ARHGAP17: variants seen among roughly 807,000 people sequenced by gnomAD.
ARHGAP17 encodes Rho GTPase activating protein 17.
A neutral mutation model predicts 99.5 loss-of-function variants in ARHGAP17; 57 were observed. The ratio of observed to expected loss-of-function variants is 0.57; its 90% CI spans 0.46 to 0.71. The LOEUF is 0.71. Among genes scored for constraint, ARHGAP17 ranks in the 30% least tolerant of loss-of-function variants. The probability of loss-of-function intolerance (pLI) is 0.00; values close to 1 mark genes in which losing one functional copy is unlikely to be tolerated. For missense variants in ARHGAP17, 1,000 were observed against 1,122.4 expected (o/e 0.89, Z 1.56); for synonymous variants, 417 against 429.6 (o/e 0.97, Z 0.36).
chr16:24,986,604 C>T (rs1299235218), intron 1 of ARHGAP17, among the ~76,000 whole-genome samples: 1 of 152,220 alleles, frequency 6.6e-6, no homozygotes, highest in African/African-American at 2.4e-5. Context: ...TCTATGGCTG[C>T]TTTTGAGCTT....
intron 14 of ARHGAP17, among the ~76,000 whole-genome samples, chr16:24,945,343 AAAG>A (rs199638888): frequency 0.015 from 2,310 of 151,058 alleles, 48 homozygotes; most frequent in African/African-American, 0.051. Context: ...AGAAAGGAAG[AAAG>A]AAGAAGAAGA....
intron 18 of ARHGAP17, 50 bp downstream of exon 18, chr16:24,935,417 TAAG>T: frequency 2.6e-6 from 4 of 1,528,724 alleles, no homozygotes; most frequent in Non-Finnish European, 3.5e-6. Context: ...TGCACTAACT[TAAG>T]GAGGTCTGCA....
In ARHGAP17 at chr16:24,935,457, G is replaced by T. The variant is rs182899466; in HGVS notation, c.1894+13C>A. On this transcript the variant is annotated intron_variant, in intron 18 of 19. Transcript: ENST00000289968. The stretch of plus-strand genomic sequence containing the variant: ...AGGCTTCCCTGAGGGCAAGGAGGAC[G>T]GTGGCTGCTTACCTCGGCGCAGTGT... 2.5e-6 allele frequency: 4 copies of T among 1,574,850 alleles called. No homozygotes were observed. Among genetic ancestry groups the T allele is most frequent in the Non-Finnish European group, 3.4e-6 (4 of 1,159,492 alleles).
chr16:24,981,511 A>G (rs1393299204), intron 1 of ARHGAP17, among the ~76,000 whole-genome samples: 1 of 152,222 alleles, frequency 6.6e-6, no homozygotes, highest in Non-Finnish European at 1.5e-5. Context: ...GTCAACAGAC[A>G]GTAACTAATT....
Position 24,954,675 on chromosome 16 carries a change from C to T in ARHGAP17, c.780G>A (p.Arg260=). 6.2e-7 allele frequency: 1 copy of T among 1,614,080 alleles called. No homozygotes were observed. The highest frequency in any genetic ancestry group is 8.5e-7 in the Non-Finnish European group (1 of 1,179,972). The change falls in exon 10 of 20, where the codon AGG becomes AGA. Residue 260 remains arginine, a synonymous_variant. Coordinates refer to ENST00000289968, the MANE Select transcript of ARHGAP17 (RefSeq NM_001006634.3). ...TGGGCAGCGCAATCTCGCGCCCGCT[C>T]CTCTTCAGGTGTTCTTCTAGGGGAG... The part of the protein sequence containing the change: ...FGTPLEEHLK[R]SGREIALPIE...
At chr16:24,996,036 C>T (rs2053183077) in intron 1 of ARHGAP17, among the ~76,000 whole-genome samples, 1 of 152,014 alleles carries the variant, frequency 6.6e-6, no homozygotes, top group African/African-American at 2.4e-5. Context: ...CATAAGTACA[C>T]CAGGGATTTC....
rs115771433 is a variant in ARHGAP17 at position 25,002,741 on chromosome 16, G to A, written c.53+12468C>T. On this transcript the variant is annotated intron_variant, in intron 1 of 19. Coordinates refer to ENST00000289968, the MANE Select transcript of ARHGAP17 (RefSeq NM_001006634.3). ...GTACAAAAATGCAAAAGCAATGGGA[G>A]TATTAAACTGGTTCTGGCTGGGCGC... 7.2e-3 allele frequency among the ~76,000 whole-genome samples: 1,089 copies of A among 152,196 alleles called. 16 individuals carry two copies. The highest frequency in any genetic ancestry group is 0.025 in the African/African-American group (1,019 of 41,524).
intron 19 of ARHGAP17, chr16:24,920,574 C>A (rs1191745930): frequency 1.1e-5 from 3 of 278,320 alleles, no homozygotes; most frequent in African/African-American, 6.6e-5. Flanking sequence ...CTTCCCAAGA[C>A]CTCTAATGCA....
chr16:24,989,529 T>C (rs963344028), intron 1 of ARHGAP17, among the ~76,000 whole-genome samples: 3 of 151,558 alleles, frequency 2.0e-5, no homozygotes, highest in Admixed American at 6.6e-5. Flanking sequence ...ATGCCACTTA[T>C]ATGAAATGGC....
chr16:24,959,580 ACG>A (rs1243465397), intron 9 of ARHGAP17, 89 bp downstream of exon 9: 80 of 1,206,240 alleles, frequency 6.6e-5, no homozygotes, highest in Non-Finnish European at 9.4e-5. Flanking sequence ...TATCCCAAGG[ACG>A]TGCATGCAGA....
At chr16:24,951,138 T>C (rs540569688) in intron 12 of ARHGAP17, among the ~76,000 whole-genome samples, 1 of 152,118 alleles carries the variant, frequency 6.6e-6, no homozygotes, top group Non-Finnish European at 1.5e-5. Flanking sequence ...CCTCTAGGCT[T>C]TTTAAACAAA....
Position 24,955,549 on chromosome 16 carries a change from T to G in ARHGAP17, c.725-819A>C, listed in dbSNP as rs1196551586. ...CCTGCCTGTGCAAGCTGCAGAGATC[T>G]AGTGCTATCTGAGCAGCTCGCAGAA... On this transcript the variant is annotated intron_variant, in intron 9 of 19. Transcript: ENST00000289968. This position sits in a 1 kb window ranked among gnomAD's most constrained non-coding sequence, Gnocchi z 4.0. 1.3e-5 allele frequency: 2 copies of G among 152,268 alleles called. No homozygotes were observed. Among genetic ancestry groups the G allele is most frequent in the African/African-American group, 4.8e-5 (2 of 41,470 alleles). The allele number at this position is 152,268 out of a possible 1,614,324, so 9.4% of individuals were successfully genotyped here.
intron 18 of ARHGAP17, among the ~76,000 whole-genome samples, chr16:24,933,583 A>T (rs2051053470): frequency 6.6e-6 from 1 of 152,186 alleles, no homozygotes; most frequent in African/African-American, 2.4e-5. Flanking sequence ...ACCACCAACC[A>T]GCTTACATTA....
Position 24,919,926 on chromosome 16 carries a change from T to A in ARHGAP17, c.*204A>T, listed in dbSNP as rs1302191519. 2 of 616,826 alleles carry A rather than the reference T, an allele frequency of 3.2e-6. No individual in the cohort carries two copies. Among genetic ancestry groups the A allele is most frequent in the Admixed American group, 7.2e-5 (2 of 27,620 alleles). The allele number at this position is 616,826 out of a possible 1,614,324, so 38.2% of individuals were successfully genotyped here. On this transcript the variant is annotated 3_prime_UTR_variant, in exon 20 of 20. Transcript: ENST00000289968. Reference sequence around the variant, plus strand: ...TCCTTCCCATGTAAAGAAAGCCAACTTCTTCAAGACACAGGTCATTCAGCT... The same window carrying A: ...TCCTTCCCATGTAAAGAAAGCCAACATCTTCAAGACACAGGTCATTCAGCT...
Position 24,931,162 on chromosome 16 carries a change from G to A in ARHGAP17, c.2137C>T (p.His713Tyr). ...SSLSPIQAPN[H>Y]PPPQPPTQAT... ...TGCGTAGGGGGCTGCGGCGGTGGGT[G>A]ATTGGGAGCTTGGATTGGAGACAAG... The change falls in exon 19 of 20, where the codon CAC (histidine) becomes TAC (tyrosine). Residue 713 changes from histidine to tyrosine, a missense_variant. Transcript: ENST00000289968. 1 of 1,597,376 alleles carries A rather than the reference G, an allele frequency of 6.3e-7. No homozygotes were observed. Among genetic ancestry groups the A allele is most frequent in the Non-Finnish European group, 8.5e-7 (1 of 1,172,278 alleles).
chr16:24,962,036 C>T (rs2052026153), intron 7 of ARHGAP17, among the ~76,000 whole-genome samples: 3 of 148,896 alleles, frequency 2.0e-5, no homozygotes, highest in Admixed American at 2.0e-4. Context: ...TGTGAAGGGC[C>T]TCCCATTTAT....
At chr16:24,982,095 A>ATT (rs34637722) in intron 1 of ARHGAP17, among the ~76,000 whole-genome samples, 115 of 150,536 alleles carry the variant, frequency 7.6e-4, no homozygotes, top group Middle Eastern at 3.4e-3. Flanking sequence ...GCAGGCTTAG[A>ATT]TTTTTTTTTT....
chr16:25,007,268 T>A (rs1275682202), intron 1 of ARHGAP17, among the ~76,000 whole-genome samples: 3 of 152,236 alleles, frequency 2.0e-5, no homozygotes, highest in African/African-American at 7.2e-5. Flanking sequence ...ATATTTTATG[T>A]GCAAAGAACA....
At chr16:24,937,416 C>T (rs903023664) in intron 17 of ARHGAP17, among the ~76,000 whole-genome samples, 42 of 151,636 alleles carry the variant, frequency 2.8e-4, no homozygotes, top group African/African-American at 9.4e-4. Context: ...AGCGAGACTT[C>T]GTCTCAAAAA....
Sources: gnomAD v4.1 joint callset for allele counts (sites outside exome capture counted in the v4.1 genomes callset) on GRCh38, gnomAD v4.1.1 for gene constraint, Gnocchi (gnomAD v3.1) non-coding constraint, MANE v1.5 for transcripts, NCBI Gene and HGNC (gene_info 2026-07-23, HGNC 2026-07-21) for gene names.